Variants in PNISR observed in about 807,000 individuals in gnomAD.
PNISR encodes the protein arginine/serine-rich protein PNISR.
A neutral mutation model predicts 93.4 loss-of-function variants in PNISR; 20 were observed. That is an observed-to-expected ratio of 0.21 (90% confidence interval 0.15 to 0.31). The LOEUF (loss-of-function observed/expected upper bound fraction) is 0.31, where lower values mean the gene tolerates loss of function less well. Among genes scored for constraint, PNISR ranks in the 10% least tolerant of loss-of-function variants. PNISR has a pLI of 1.00. For synonymous variants in PNISR, 305 were observed against 306.5 expected, an observed-to-expected ratio of 0.99 and a Z score of 0.05; for missense variants, 893 against 985.4, an observed-to-expected ratio of 0.91 and a Z score of 1.25.
At chr6:99,409,032 A>G in intron 6 of PNISR, 141 bp downstream of exon 6, 1 of 643,926 alleles carries the variant, frequency 1.6e-6, no homozygotes, top group African/African-American at 1.8e-5. Context: ...TGTAATTTTA[A>G]GCTTTATGAC....
intron 1 of PNISR, among the ~76,000 whole-genome samples, chr6:99,416,811 G>T (rs1226277887): frequency 6.6e-6 from 1 of 152,230 alleles, no homozygotes; most frequent in East Asian, 1.9e-4. Context: ...TTTTCCTATA[G>T]AATTCTATGT....
rs139343326 is a variant in PNISR at position 99,409,213 on chromosome 6, T to C, written c.633A>G (p.Ser211=). Residue 211 remains serine, a synonymous_variant, in exon 6 of 12, where the codon TCA becomes TCG. Coordinates refer to ENST00000369239, the MANE Select transcript of PNISR (RefSeq NM_032870.4). Reference sequence around the variant, plus strand: ...CCTGCTTCACAGGAAGTGCAATAGGTGAACGCTGACGATCCCTGAATGATG... The same window carrying C: ...CCTGCTTCACAGGAAGTGCAATAGGCGAACGCTGACGATCCCTGAATGATG... ...RPSSFRDRQR[S]PIALPVKQEP... is the part of the protein sequence containing the mutation. The C allele has an allele frequency of 2.4e-5, 38 of 1,613,972 alleles. No homozygotes were observed. In the African/African-American group the frequency reaches 4.3e-4, roughly 18 times the overall value.
intron 3 of PNISR, 69 bp downstream of exon 3, chr6:99,414,503 C>T: frequency 1.3e-6 from 1 of 770,268 alleles, no homozygotes; most frequent in South Asian, 1.5e-5. Context: ...TCCCTTAATC[C>T]CATCATGTGT....
At chr6:99,407,289 C>T (rs1002433674) in intron 7 of PNISR, among the ~76,000 whole-genome samples, 2 of 146,756 alleles carry the variant, frequency 1.4e-5, no homozygotes. Flanking sequence ...AACTGCACTC[C>T]AGCCTGGGCA....
chr6:99,401,072 T>A lies in PNISR; in HGVS notation c.1886A>T (p.Asn629Ile). Residue 629 changes from asparagine to isoleucine, a missense_variant, in exon 12 of 12, where the codon AAT (asparagine) becomes ATT (isoleucine). By Grantham distance (149) the Asn-to-Ile change is moderately radical. Around this residue, in one of 3 missense-constraint regions of PNISR, gnomAD observed 866 missense variants for 935.1 expected, o/e 0.93. Transcript: ENST00000369239. ...SRSRSRDRRT[N>I]RASRSRSRDR... is the part of the protein sequence containing the mutation. ...TCGACTCCTACTGCGACTGGCACGA[T>A]TGGTTCGTCTATCCCTTGAGCGACT... The A allele has an allele frequency of 6.2e-7, 1 of 1,613,754 alleles. No homozygotes were observed. Among genetic ancestry groups the A allele is most frequent in the African/African-American group, 1.3e-5 (1 of 75,036 alleles).
Position 99,406,126 on chromosome 6 carries a change from C to G in PNISR, c.907G>C (p.Ala303Pro), listed in dbSNP as rs1383690859. ...EEEDTENVEA[A>P]SSGKVTRSPS... Reference sequence around the variant, plus strand: ...CTTCTGGTGACTTTCCCACTACTTGCAGCCTCAACATTTTCAGTGTCTTCT... The same window carrying G: ...CTTCTGGTGACTTTCCCACTACTTGGAGCCTCAACATTTTCAGTGTCTTCT... Residue 303 changes from alanine (A) to proline (P), a missense_variant, in exon 8 of 12, where the codon GCA (alanine) becomes CCA (proline). Physicochemically the swap from Ala to Pro is conservative, Grantham distance 27 (BLOSUM62 -1). Coordinates refer to ENST00000369239, the MANE Select transcript of PNISR (RefSeq NM_032870.4). 6.2e-7 allele frequency: 1 copy of G among 1,609,768 alleles called. No individual in the cohort carries two copies. The highest frequency in any genetic ancestry group is 1.3e-5 in the African/African-American group (1 of 74,858).
chr6:99,409,308 G>A lies in PNISR; in HGVS notation c.538C>T (p.His180Tyr). Residue 180 changes from histidine (H) to tyrosine (Y), a missense_variant, in exon 6 of 12, where the codon CAT (histidine) becomes TAT (tyrosine). Physicochemically the swap from His to Tyr is moderately conservative, Grantham distance 83. Transcript: ENST00000369239. ...GGTCCTGGTTGCCAATAAGGAGGAT[G>A]AAATCCACCTTGCGGTGGACCAAAA... ...AAFGPPQGGF[H>Y]PPYWQPGPPG... The A allele has an allele frequency of 1.2e-6, 2 of 1,613,852 alleles. No homozygotes were observed. The highest frequency in any genetic ancestry group is 1.7e-6 in the Non-Finnish European group (2 of 1,179,920).
intron 3 of PNISR, among the ~76,000 whole-genome samples, chr6:99,414,364 A>T (rs903989818): frequency 8.5e-5 from 13 of 152,236 alleles, no homozygotes; most frequent in Non-Finnish European, 1.6e-4. Context: ...ATCTTCAAAA[A>T]GCTTTCTACA....
intron 1 of PNISR, among the ~76,000 whole-genome samples, chr6:99,421,567 T>C (rs1778554928): frequency 6.6e-6 from 1 of 152,120 alleles, no homozygotes; most frequent in Non-Finnish European, 1.5e-5. Context: ...GATGGCTCTA[T>C]AAGCCAAGGA....
intron 1 of PNISR, among the ~76,000 whole-genome samples, chr6:99,417,897 G>A (rs1002538234): frequency 2.0e-5 from 3 of 151,000 alleles, no homozygotes; most frequent in Non-Finnish European, 2.9e-5. Flanking sequence ...GAATCTGGGA[G>A]GCGGAGGTTG....
At chr6:99,404,339 A>G (rs1241206602) in intron 9 of PNISR, 1 of 458,872 alleles carries the variant, frequency 2.2e-6, no homozygotes, top group Non-Finnish European at 3.9e-6. Flanking sequence ...CAGGTGAAAT[A>G]AACTGAACAC....
At position 99,401,263 on chromosome 6, in the gene PNISR, T is replaced by C. The variant is rs1775456281; in HGVS notation, c.1695A>G (p.Thr565=). The C allele has an allele frequency of 6.2e-7, 1 of 1,613,462 alleles. No homozygotes were observed. Among genetic ancestry groups the C allele is most frequent in the Non-Finnish European group, 8.5e-7 (1 of 1,179,736 alleles). ...KKRHSRSRSP[T]IKARRSRSRS... ...TACTCCTGCTACGTCTAGCTTTGAT[T>C]GTTGGAGATCTACTCCTACTGTGTC... Residue 565 remains threonine, a synonymous_variant, in exon 12 of 12, where the codon ACA becomes ACG. Transcript: ENST00000369239.
chr6:99,400,969 T>G lies in PNISR; in HGVS notation c.1989A>C (p.Gln663His), dbSNP rs1176132604. ...TTCGACTCCTCTCCTTTTTCCTCTC[T>G]TGTTCTTTAGCCTCACCTTTATGCT... ...SHKHKGEAKEQERKKERSRSI... is the reference protein window; with the variant it reads ...SHKHKGEAKEHERKKERSRSI... Residue 663 changes from glutamine to histidine, a missense_variant, in exon 12 of 12, where the codon CAA (glutamine) becomes CAC (histidine). Coordinates refer to ENST00000369239, the MANE Select transcript of PNISR (RefSeq NM_032870.4). 1.2e-6 allele frequency: 2 copies of G among 1,609,374 alleles called. No homozygotes were observed.
At chr6:99,409,657 C>A (rs56338239) in intron 5 of PNISR, 2,135 of 199,728 alleles carry the variant, frequency 0.011, 17 homozygotes, top group Middle Eastern at 0.028. Flanking sequence ...CAAATAGATA[C>A]TAATTTCTCT....
At chr6:99,414,739 T>C (rs1429643018) in intron 2 of PNISR, 49 bp from the exon 3 acceptor site, 1 of 775,670 alleles carries the variant, frequency 1.3e-6, no homozygotes, top group East Asian at 3.0e-5. Flanking sequence ...TTATTTAATC[T>C]TAAAACCTCA....
At chr6:99,424,220 G>C (rs533660370) in intron 1 of PNISR, among the ~76,000 whole-genome samples, 2 of 152,112 alleles carry the variant, frequency 1.3e-5, no homozygotes, top group Non-Finnish European at 2.9e-5. Flanking sequence ...AAGGACTTTA[G>C]GTAAAATGTG....
intron 1 of PNISR, among the ~76,000 whole-genome samples, chr6:99,419,383 G>A (rs1464159608): frequency 2.0e-5 from 3 of 151,844 alleles, no homozygotes; most frequent in Non-Finnish European, 2.9e-5. Flanking sequence ...AAGTTAGAGT[G>A]AACCATACAG....
chr6:99,404,502 A>G (rs764930964), intron 9 of PNISR, 101 bp downstream of exon 9: 13 of 745,364 alleles, frequency 1.7e-5, no homozygotes, highest in Non-Finnish European at 3.3e-5. Context: ...GAATATTCAA[A>G]TATCTGGTAG....
chr6:99,401,742 C>T (rs532743365), intron 11 of PNISR, 112 bp from the exon 12 acceptor site: 18 of 779,002 alleles, frequency 2.3e-5, no homozygotes, highest in East Asian at 1.5e-4. Context: ...AATAGAATTA[C>T]GATGCAAGCC....
Sources: allele counts gnomAD v4.1 joint callset (sites outside exome capture counted in the v4.1 genomes callset), GRCh38; gene constraint gnomAD v4.1.1; regional missense constraint gnomAD v4.1.1; transcripts MANE v1.5; gene names NCBI Gene and HGNC (gene_info 2026-07-23, HGNC 2026-07-21).